SPECC1L: variants seen among roughly 807,000 people sequenced by gnomAD.
SPECC1L encodes the protein cytospin-A.
SPECC1L carries 40 observed loss-of-function variants against 116.8 expected under a neutral mutation model. The ratio of observed to expected loss-of-function variants is 0.34; its 90% CI spans 0.27 to 0.45. SPECC1L has a LOEUF of 0.45. Among genes scored for constraint, SPECC1L ranks in the 20% least tolerant of loss-of-function variants. The probability of loss-of-function intolerance (pLI) is 1.00; values close to 1 mark genes in which losing one functional copy is unlikely to be tolerated. For missense variants in SPECC1L, 1,110 were observed against 1,373.6 expected, an observed-to-expected ratio of 0.81 and a Z score of 3.03; for synonymous variants, 504 against 500.6, an observed-to-expected ratio of 1.01 and a Z score of -0.09.
At chr22:24,365,737 C>CT (rs2041749538) in intron 13 of SPECC1L, 105 bp downstream of exon 13, 6 of 1,350,210 alleles carry the variant, frequency 4.4e-6, no homozygotes, top group Non-Finnish European at 6.3e-6. Context: ...TGTGATTTTT[C>CT]TTTTTCTGTG....
intron 14 of SPECC1L, among the ~76,000 whole-genome samples, chr22:24,388,168 G>A (rs2042196228): frequency 6.6e-6 from 1 of 151,504 alleles, no homozygotes; most frequent in African/African-American, 2.4e-5. Flanking sequence ...TGCCATGTTG[G>A]TGTGCTGCAC....
chr22:24,397,673 TTA>T (rs2042393941), intron 14 of SPECC1L, among the ~76,000 whole-genome samples: 1 of 152,230 alleles, frequency 6.6e-6, no homozygotes, highest in African/African-American at 2.4e-5. Context: ...TTATCCTTTT[TTA>T]TATAAGTTAT....
Position 24,405,908 on chromosome 22 carries a change from A to G in SPECC1L, c.3088-5680A>G, listed in dbSNP as rs563030858. 3.3e-5 allele frequency among the ~76,000 whole-genome samples: 5 copies of G among 152,104 alleles called. No individual in the cohort carries two copies. The South Asian group carries it at 1.0e-3, about 32-fold the overall frequency. The stretch of plus-strand genomic sequence containing the variant: ...TTTCAGTAGGGGTCGAAGACTCGTC[A>G]TCTTGTGTGGGCTGGGATTTCACTG... On this transcript the variant is annotated intron_variant, in intron 14 of 16. Coordinates refer to ENST00000314328, the MANE Select transcript of SPECC1L (RefSeq NM_015330.6).
At chr22:24,304,650 A>G (rs1226094451) in intron 3 of SPECC1L, among the ~76,000 whole-genome samples, 1 of 152,254 alleles carries the variant, frequency 6.6e-6, no homozygotes, top group Non-Finnish European at 1.5e-5. Flanking sequence ...GAAGTAATAT[A>G]CTTTTCCATT....
chr22:24,335,356 C>T (rs904956450), intron 9 of SPECC1L, among the ~76,000 whole-genome samples: 5 of 152,170 alleles, frequency 3.3e-5, no homozygotes, highest in Non-Finnish European at 5.9e-5. Flanking sequence ...TGGTCTGACC[C>T]CTGCCTACTC....
intron 14 of SPECC1L, among the ~76,000 whole-genome samples, 186 bp downstream of exon 14, chr22:24,369,506 G>A (rs2041834226): frequency 6.6e-6 from 1 of 152,046 alleles, no homozygotes; most frequent in Admixed American, 6.6e-5. Flanking sequence ...GTTCAAGCCT[G>A]GGCAACATGG....
intron 11 of SPECC1L, among the ~76,000 whole-genome samples, chr22:24,349,155 C>A (rs896121152): frequency 4.6e-5 from 7 of 152,178 alleles, no homozygotes; most frequent in Non-Finnish European, 4.4e-5. Flanking sequence ...ATTCTCCTGC[C>A]TCAGCCTCCC....
At chr22:24,338,678 ACT>A (rs1413851990) in intron 10 of SPECC1L, among the ~76,000 whole-genome samples, 1 of 152,166 alleles carries the variant, frequency 6.6e-6, no homozygotes, top group Non-Finnish European at 1.5e-5. Flanking sequence ...ATTCTGATAG[ACT>A]CTAATAATGA....
chr22:24,414,745 G>A lies in SPECC1L; in HGVS notation c.*122G>A, dbSNP rs1404495346. On this transcript the variant is annotated 3_prime_UTR_variant, in exon 17 of 17. Coordinates refer to ENST00000314328, the MANE Select transcript of SPECC1L (RefSeq NM_015330.6). ...GCAACTCTGGGCTGCCCCACAGCGT[G>A]TGAGCCTCCAGCTCGGGGCTTCCGT... 1.2e-6 allele frequency: 1 copy of A among 824,568 alleles called. No individual in the cohort carries two copies. Among genetic ancestry groups the A allele is most frequent in the Admixed American group, 2.0e-5 (1 of 49,804 alleles). 51.1% of individuals were successfully genotyped at this position (824,568 alleles called of 1,614,324 possible). A position where few individuals can be genotyped will look rare whatever the true frequency, so the allele number is the denominator to read the frequency against.
rs567088796 is a variant in SPECC1L at position 24,284,228 on chromosome 22, T to G, written c.-38+7425T>G. ...AGTGTTATAAATTTCCCTTTACTGC[T>G]TTAAGTTTTTAAAGGTAATTTAAGG... On this transcript the variant is annotated intron_variant, in intron 2 of 16. Transcript: ENST00000314328. Among the ~76,000 whole-genome samples the G allele has an allele frequency of 4.6e-5, 7 of 152,252 alleles. No homozygotes were observed. The East Asian group carries it at 1.3e-3, about 29-fold the overall frequency.
Position 24,330,448 on chromosome 22 carries a change from C to T in SPECC1L, c.2396+17C>T, listed in dbSNP as rs1428560911. On this transcript the variant is annotated intron_variant, in intron 8 of 16. Transcript: ENST00000314328. ...GTCACGCAAGTAAGTTCTGAGAAAC[C>T]TGTTGTGTACTTATGTTTCAGTAGA... is the stretch of plus-strand genomic sequence containing the variant. 2 of 1,613,404 alleles carry T rather than the reference C, an allele frequency of 1.2e-6. No homozygotes were observed. Among genetic ancestry groups the T allele is most frequent in the Non-Finnish European group, 1.7e-6 (2 of 1,179,516 alleles).
At chr22:24,353,297 C>T (rs1165063618) in intron 11 of SPECC1L, among the ~76,000 whole-genome samples, 6 of 152,134 alleles carry the variant, frequency 3.9e-5, no homozygotes, top group South Asian at 2.1e-4. Flanking sequence ...TCTGCAGCTG[C>T]TTCTCACTCT....
Position 24,401,313 on chromosome 22 carries a change from C to G in SPECC1L, c.3088-10275C>G, listed in dbSNP as rs148517900. ...AGTTCAGATTCTGTTGGTTCCTTCC[C>G]CATCCTGTTGTCCGTGGTGTAAACT... On this transcript the variant is annotated intron_variant, in intron 14 of 16. Coordinates refer to ENST00000314328, the MANE Select transcript of SPECC1L (RefSeq NM_015330.6). 4.1e-3 allele frequency among the ~76,000 whole-genome samples: 617 copies of G among 152,266 alleles called. 7 individuals are homozygous for G. The highest frequency in any genetic ancestry group is 0.014 in the African/African-American group (576 of 41,550).
intron 11 of SPECC1L, among the ~76,000 whole-genome samples, chr22:24,352,921 CA>C (rs2041454970): frequency 6.6e-6 from 1 of 152,196 alleles, no homozygotes; most frequent in South Asian, 2.1e-4. Context: ...CACTTACTTA[CA>C]GCCTAGATTC....
intron 11 of SPECC1L, among the ~76,000 whole-genome samples, chr22:24,360,354 CTGT>C (rs1169311910): frequency 6.6e-6 from 1 of 152,192 alleles, no homozygotes; most frequent in Non-Finnish European, 1.5e-5. Context: ...TGGATTGTGG[CTGT>C]TAAAATTTAA....
rs762015892 is a variant in SPECC1L at position 24,324,315 on chromosome 22, A to T, written c.2034A>T (p.Glu678Asp). 4 of 1,614,106 alleles carry T rather than the reference A, an allele frequency of 2.5e-6. No individual in the cohort carries two copies. The highest frequency in any genetic ancestry group is 3.4e-6 in the Non-Finnish European group (4 of 1,179,960). Residue 678 changes from glutamate (E) to aspartate (D), a missense_variant, in exon 6 of 17, where the codon GAA becomes GAT. Transcript: ENST00000314328. ...AAAAATTAAGATCAGACCTGGATGA[A>T]AAAGAAACAGAAAGGAGTGACATGA... The part of the protein sequence containing the change: ...TLEKLRSDLD[E>D]KETERSDMKE...
chr22:24,320,242 C>CT (rs2040693716), intron 4 of SPECC1L, among the ~76,000 whole-genome samples: 1 of 152,078 alleles, frequency 6.6e-6, no homozygotes, highest in Admixed American at 6.5e-5. Context: ...CTCCACTGCA[C>CT]TATAGCCTGG....
chr22:24,349,577 G>A (rs1488619467), intron 11 of SPECC1L, among the ~76,000 whole-genome samples: 1 of 152,100 alleles, frequency 6.6e-6, no homozygotes, highest in African/African-American at 2.4e-5. Flanking sequence ...AATATTCTCA[G>A]ACAATGTCTC....
chr22:24,405,626 G>C (rs1350195217), intron 14 of SPECC1L, among the ~76,000 whole-genome samples: 1 of 152,054 alleles, frequency 6.6e-6, no homozygotes, highest in Admixed American at 6.5e-5. Flanking sequence ...GATCACCTGA[G>C]GTCAGGAGTT....
Sources: allele counts gnomAD v4.1 joint callset (sites outside exome capture counted in the v4.1 genomes callset), GRCh38; gene constraint gnomAD v4.1.1; transcripts MANE v1.5; gene names NCBI Gene and HGNC (gene_info 2026-07-23, HGNC 2026-07-21).